The following PHLDB2 variants were observed in gnomAD, a reference collection of about 807,000 sequenced individuals.
The protein encoded by PHLDB2 is pleckstrin homology-like domain family B member 2.
Under a neutral mutation model 123.6 loss-of-function variants are expected in PHLDB2, and 71 were observed. The observed-to-expected ratio is 0.57, with a 90% confidence interval of 0.47 to 0.70. The LOEUF (loss-of-function observed/expected upper bound fraction) is 0.70, where lower values mean the gene tolerates loss of function less well. Ranked by LOEUF, PHLDB2 falls within the 30% of genes least tolerant of loss-of-function variation. The pLI, the probability that PHLDB2 is intolerant of heterozygous loss-of-function variation, is 0.00. For synonymous variants in PHLDB2, 547 were observed against 541.6 expected, an observed-to-expected ratio of 1.01 and a Z score of -0.14; for missense variants, 1,446 against 1,519.5, an observed-to-expected ratio of 0.95 and a Z score of 0.80.
intron 16 of PHLDB2, among the ~76,000 whole-genome samples, chr3:111,970,348 T>C (rs1354781838): frequency 6.6e-6 from 1 of 152,120 alleles, no homozygotes; most frequent in Non-Finnish European, 1.5e-5. Flanking sequence ...AGAAAAAATA[T>C]TGCCTTTCAA....
At chr3:111,936,688 G>A (rs1309329289) in intron 6 of PHLDB2, among the ~76,000 whole-genome samples, 1 of 152,120 alleles carries the variant, frequency 6.6e-6, no homozygotes, top group African/African-American at 2.4e-5. Flanking sequence ...AACACATATT[G>A]CATATTAGCC....
chr3:111,918,861 G>A (rs1275598777), intron 3 of PHLDB2, among the ~76,000 whole-genome samples: 1 of 152,134 alleles, frequency 6.6e-6, no homozygotes, highest in African/African-American at 2.4e-5. Context: ...AAGTTGGTTT[G>A]TCTCAACTCT....
intron 2 of PHLDB2, among the ~76,000 whole-genome samples, chr3:111,899,235 G>A (rs1197292175): frequency 6.6e-6 from 1 of 152,130 alleles, no homozygotes; most frequent in Non-Finnish European, 1.5e-5. Flanking sequence ...GAGTGACTAG[G>A]TGTGTTGTCA....
chr3:111,831,112 A>T (rs1201372743), intron 1 of PHLDB2, among the ~76,000 whole-genome samples: 2 of 152,068 alleles, frequency 1.3e-5, no homozygotes, highest in Non-Finnish European at 2.9e-5. Flanking sequence ...GACACTTTTT[A>T]AAAATCCCTA....
intron 2 of PHLDB2, among the ~76,000 whole-genome samples, chr3:111,847,242 C>T (rs181655008): frequency 1.3e-4 from 20 of 152,190 alleles, no homozygotes; most frequent in South Asian, 2.1e-4. Flanking sequence ...ATTAGAGTTT[C>T]GGTAAAGACC....
chr3:111,891,769 A>G (rs1559888917), intron 2 of PHLDB2, among the ~76,000 whole-genome samples: 1 of 152,108 alleles, frequency 6.6e-6, no homozygotes, highest in Non-Finnish European at 1.5e-5. Context: ...TATTCATCCT[A>G]TTTGACACCT....
intron 1 of PHLDB2, among the ~76,000 whole-genome samples, chr3:111,787,760 C>T (rs536911336): frequency 6.6e-6 from 1 of 152,112 alleles, no homozygotes; most frequent in Non-Finnish European, 1.5e-5. Flanking sequence ...GAAGAAAGGA[C>T]CACCCCGGGG....
chr3:111,845,354 CAAAAAAAAAAAAAAAAAA>C (rs745585464), intron 1 of PHLDB2, among the ~76,000 whole-genome samples: 2 of 39,162 alleles, frequency 5.1e-5, no homozygotes, highest in Non-Finnish European at 8.0e-5. Context: ...GACTCTGTCT[CAAAAAAAAAAAAAAAAAA>C]AAAAAAAAAA....
At chr3:111,949,331 A>G (rs1267613411) in intron 10 of PHLDB2, among the ~76,000 whole-genome samples, 1 of 73,116 alleles carries the variant, frequency 1.4e-5, no homozygotes. Context: ...AATATGTTCT[A>G]TGTCTTAGCA....
chr3:111,881,854 T>A (rs951443985), intron 1 of PHLDB2, among the ~76,000 whole-genome samples: 9 of 152,070 alleles, frequency 5.9e-5, no homozygotes, highest in Admixed American at 3.9e-4. Context: ...TTTTCCAGTA[T>A]ATTTATTGAA....
intron 2 of PHLDB2, among the ~76,000 whole-genome samples, chr3:111,886,973 C>A (rs2066202241): frequency 6.6e-6 from 1 of 152,220 alleles, no homozygotes; most frequent in Non-Finnish European, 1.5e-5. Flanking sequence ...ATATTAACTT[C>A]TATCCGATAA....
chr3:111,832,592 A>G (rs2063104403), intron 1 of PHLDB2, among the ~76,000 whole-genome samples: 1 of 145,676 alleles, frequency 6.9e-6, no homozygotes, highest in Non-Finnish European at 1.5e-5. Context: ...TATATGTAAT[A>G]TTATATATTA....
chr3:111,940,251 A>C (rs2069783807), intron 7 of PHLDB2, among the ~76,000 whole-genome samples: 1 of 152,202 alleles, frequency 6.6e-6, no homozygotes, highest in South Asian at 2.1e-4. Context: ...TGTTGTAAAA[A>C]ATTCATCGAT....
chr3:111,829,927 AACACACACAC>A (rs72357648), intron 1 of PHLDB2, among the ~76,000 whole-genome samples: 2,550 of 136,004 alleles, frequency 0.019, 45 homozygotes, highest in African/African-American at 0.043. Context: ...AACTATTCAA[AACACACACAC>A]ACACACACAC....
intron 10 of PHLDB2, chr3:111,949,825 A>T: frequency 4.1e-6 from 4 of 985,910 alleles, no homozygotes; most frequent in Non-Finnish European, 4.8e-6. Flanking sequence ...TTTACCTTTA[A>T]ATGACACACC....
intron 1 of PHLDB2, among the ~76,000 whole-genome samples, chr3:111,745,056 A>T (rs1049488572): frequency 2.6e-5 from 4 of 152,360 alleles, no homozygotes; most frequent in African/African-American, 9.6e-5. Flanking sequence ...CAGAGAAGAA[A>T]GAAGGGGCTA....
chr3:111,795,618 C>T (rs963430298), intron 1 of PHLDB2, among the ~76,000 whole-genome samples: 1 of 152,222 alleles, frequency 6.6e-6, no homozygotes, highest in African/African-American at 2.4e-5. Flanking sequence ...ACTCTCTTTC[C>T]CACCCACACT....
intron 1 of PHLDB2, among the ~76,000 whole-genome samples, chr3:111,798,228 A>C (rs2061242188): frequency 1.3e-5 from 2 of 152,182 alleles, no homozygotes; most frequent in South Asian, 4.1e-4. Flanking sequence ...TTTACTCCCA[A>C]ATTTTCTATC....
chr3:111,947,178 G>T (rs543015666), intron 9 of PHLDB2, among the ~76,000 whole-genome samples: 31 of 152,342 alleles, frequency 2.0e-4, no homozygotes, highest in African/African-American at 7.5e-4. Flanking sequence ...GTGGCATCCA[G>T]ATGAATTGGA....
Sources: gnomAD v4.1 joint callset for allele counts (sites outside exome capture counted in the v4.1 genomes callset) on GRCh38, gnomAD v4.1.1 for gene constraint, MANE v1.5 for transcripts, NCBI Gene and HGNC (gene_info 2026-07-23, HGNC 2026-07-21) for gene names.